Variants in KCNB2 observed in about 807,000 individuals in gnomAD.
The protein encoded by KCNB2 is potassium voltage-gated channel subfamily B member 2, also known as delayed rectifier potassium channel protein.
Under a neutral mutation model 61.5 loss-of-function variants are expected in KCNB2, and 15 were observed. The ratio of observed to expected loss-of-function variants is 0.24; its 90% CI spans 0.16 to 0.38. KCNB2 has a LOEUF of 0.38. Among genes scored for constraint, KCNB2 ranks in the 10% least tolerant of loss-of-function variants. The pLI, the probability that KCNB2 is intolerant of heterozygous loss-of-function variation, is 1.00. For missense variants in KCNB2, 828 were observed against 1,125.2 expected (o/e 0.74, Z 3.78); for synonymous variants, 457 against 446.0 (o/e 1.02, Z -0.31).
chr8:72,821,323 A>G (rs972151875), intron 2 of KCNB2, among the ~76,000 whole-genome samples: 1 of 152,120 alleles, frequency 6.6e-6, no homozygotes, highest in African/African-American at 2.4e-5. Context: ...TTAGTCTGCT[A>G]ATGTGCTAAC....
At chr8:72,679,075 T>C (rs1806709824) in intron 2 of KCNB2, among the ~76,000 whole-genome samples, 1 of 152,200 alleles carries the variant, frequency 6.6e-6, no homozygotes. Flanking sequence ...GCCTTTGATT[T>C]TGAGTCTTGA....
At chr8:72,619,387 A>G in intron 2 of KCNB2, 1 of 501,014 alleles carries the variant, frequency 2.0e-6, no homozygotes, top group Non-Finnish European at 3.9e-6. Flanking sequence ...TGCCTGTTTC[A>G]AGTCATGTAT....
At chr8:72,813,320 A>G (rs894627196) in intron 2 of KCNB2, among the ~76,000 whole-genome samples, 2 of 150,510 alleles carry the variant, frequency 1.3e-5, no homozygotes, top group African/African-American at 4.9e-5. Flanking sequence ...TTCCTGTTGT[A>G]GTCTGAAGAC....
At chr8:72,669,908 A>G (rs1212410039) in intron 2 of KCNB2, among the ~76,000 whole-genome samples, 3 of 152,212 alleles carry the variant, frequency 2.0e-5, no homozygotes, top group Non-Finnish European at 4.4e-5. Context: ...TGACTTGAAC[A>G]TATGAACAAC....
intron 2 of KCNB2, among the ~76,000 whole-genome samples, chr8:72,896,206 C>A (rs1805985513): frequency 6.6e-6 from 1 of 152,046 alleles, no homozygotes; most frequent in Admixed American, 6.6e-5. Flanking sequence ...TTCAGCCAGT[C>A]CCTCTTCCAG....
chr8:72,762,049 T>G (rs1285658487), intron 2 of KCNB2, among the ~76,000 whole-genome samples: 1 of 152,238 alleles, frequency 6.6e-6, no homozygotes, highest in Non-Finnish European at 1.5e-5. Flanking sequence ...TAGAGATACT[T>G]GTATTTCTGT....
At chr8:72,926,506 C>T (rs368217352) in intron 2 of KCNB2, among the ~76,000 whole-genome samples, 6 of 151,960 alleles carry the variant, frequency 3.9e-5, no homozygotes, top group Middle Eastern at 6.3e-3. Context: ...CATAGGTAAA[C>T]GTGTGCCATG....
chr8:72,566,864 T>G (rs1806633045), intron 1 of KCNB2, among the ~76,000 whole-genome samples: 1 of 152,076 alleles, frequency 6.6e-6, no homozygotes, highest in African/African-American at 2.4e-5. Flanking sequence ...TTGGTGCTTA[T>G]TTGGATGTGG....
chr8:72,547,117 G>C (rs559682510), intron 1 of KCNB2, among the ~76,000 whole-genome samples: 9 of 152,206 alleles, frequency 5.9e-5, no homozygotes, highest in Admixed American at 2.6e-4. Flanking sequence ...AAGCCTGAAT[G>C]AACAATGCAT....
At chr8:72,595,309 CT>C (rs1229254993) in intron 2 of KCNB2, among the ~76,000 whole-genome samples, 1 of 150,650 alleles carries the variant, frequency 6.6e-6, no homozygotes. Context: ...TTGCTAATTT[CT>C]TTTTTTCTTT....
chr8:72,909,332 G>C (rs1806239007), intron 2 of KCNB2, among the ~76,000 whole-genome samples: 1 of 152,100 alleles, frequency 6.6e-6, no homozygotes, highest in African/African-American at 2.4e-5. Flanking sequence ...ATCAGGCAAA[G>C]GGACCAAAGT....
intron 2 of KCNB2, among the ~76,000 whole-genome samples, chr8:72,813,851 T>A (rs542702581): frequency 6.6e-6 from 1 of 152,350 alleles, no homozygotes; most frequent in South Asian, 2.1e-4. Flanking sequence ...GAGTGCATGC[T>A]TTTTTCTTCT....
At chr8:72,865,788 C>T (rs1414207691) in intron 2 of KCNB2, among the ~76,000 whole-genome samples, 3 of 152,166 alleles carry the variant, frequency 2.0e-5, no homozygotes, top group Non-Finnish European at 4.4e-5. Context: ...ATGTCACCTC[C>T]TCAGCAAAAC....
At chr8:72,583,911 C>T (rs1377467098) in intron 2 of KCNB2, among the ~76,000 whole-genome samples, 2 of 125,880 alleles carry the variant, frequency 1.6e-5, no homozygotes, top group Non-Finnish European at 3.3e-5. Context: ...TGCTATCTTT[C>T]ATAATTTAGA....
chr8:72,736,375 G>A (rs1261241382), intron 2 of KCNB2, among the ~76,000 whole-genome samples: 1 of 152,024 alleles, frequency 6.6e-6, no homozygotes, highest in Non-Finnish European at 1.5e-5. Context: ...GAGAACTGGA[G>A]GACTTGTCTC....
intron 2 of KCNB2, among the ~76,000 whole-genome samples, chr8:72,905,682 C>T (rs534230802): frequency 6.6e-6 from 1 of 152,226 alleles, no homozygotes; most frequent in South Asian, 2.1e-4. Flanking sequence ...TAGAGCACTT[C>T]AACTGCTGTG....
chr8:72,661,030 A>G (rs1435022981), intron 2 of KCNB2: 2 of 152,132 alleles, frequency 1.3e-5, no homozygotes, highest in Non-Finnish European at 2.9e-5. Context: ...TTTTTCAAAT[A>G]CATTTTTTTT....
chr8:72,568,226 A>C lies in KCNB2; in HGVS notation c.492A>C (p.Gly164=), dbSNP rs1263738403. Reference sequence around the variant, plus strand: ...CAGAGACTATGCGAGAGCGAGAAGGAGAAGAGTTTGATAATACCTGCTGCC... The same window carrying C: ...CAGAGACTATGCGAGAGCGAGAAGGCGAAGAGTTTGATAATACCTGCTGCC... ...REAETMRERE[G]EEFDNTCCPD... The change falls in exon 2 of 3, where the codon GGA becomes GGC. Residue 164 remains glycine, a synonymous_variant. Coordinates refer to ENST00000523207, the MANE Select transcript of KCNB2 (RefSeq NM_004770.3). 1 of 1,614,174 alleles carries C rather than the reference A, an allele frequency of 6.2e-7. No homozygotes were observed. The highest frequency in any genetic ancestry group is 8.5e-7 in the Non-Finnish European group (1 of 1,180,044).
intron 2 of KCNB2, among the ~76,000 whole-genome samples, chr8:72,911,895 A>G (rs549067159): frequency 1.3e-5 from 2 of 152,304 alleles, no homozygotes; most frequent in East Asian, 1.9e-4. Flanking sequence ...GAACTAACAC[A>G]TGTCAAGTAT....
Sources: allele counts gnomAD v4.1 joint callset (sites outside exome capture counted in the v4.1 genomes callset), GRCh38; gene constraint gnomAD v4.1.1; transcripts MANE v1.5; gene names NCBI Gene and HGNC (gene_info 2026-07-23, HGNC 2026-07-21).